The following USP8 variants were observed in gnomAD, a reference collection of about 807,000 sequenced individuals.
The protein encoded by USP8 is ubiquitin carboxyl-terminal hydrolase 8.
A neutral mutation model predicts 130.0 loss-of-function variants in USP8; 27 were observed. That is an observed-to-expected ratio of 0.21 (90% CI 0.15 to 0.29). USP8 has a LOEUF of 0.29. Among genes scored for constraint, USP8 ranks in the 10% least tolerant of loss-of-function variants. The probability of loss-of-function intolerance (pLI) is 1.00; values close to 1 mark genes in which losing one functional copy is unlikely to be tolerated. For missense variants in USP8, 1,029 were observed against 1,312.2 expected, an observed-to-expected ratio of 0.78 and a Z score of 3.33; for synonymous variants, 392 against 444.1, an observed-to-expected ratio of 0.88 and a Z score of 1.48.
chr15:50,433,754 C>T (rs1022468718), intron 1 of USP8, among the ~76,000 whole-genome samples: 6 of 152,020 alleles, frequency 3.9e-5, no homozygotes, highest in South Asian at 2.1e-4. Flanking sequence ...TACAGGTGCC[C>T]GCCACCGTGC....
At chr15:50,439,861 G>A (rs771210014) in intron 2 of USP8, among the ~76,000 whole-genome samples, 1 of 151,216 alleles carries the variant, frequency 6.6e-6, no homozygotes, top group Non-Finnish European at 1.5e-5. Context: ...GCCAAGGTGG[G>A]CGGATCACCT....
rs767894854 is a variant in USP8 at position 50,481,571 on chromosome 15, A to G, written c.1309A>G (p.Ser437Gly). 6.2e-7 allele frequency: 1 copy of G among 1,614,074 alleles called. No individual in the cohort carries two copies. Among genetic ancestry groups the G allele is most frequent in the Admixed American group, 1.7e-5 (1 of 60,004 alleles). Reference protein sequence around the residue: ...STNHEQQSPQSGKVIPDRSTK... With the variant: ...STNHEQQSPQGGKVIPDRSTK... ...AAACCATGAGCAACAATCTCCTCAGAGTGGAAAAGTTATTCCTGATCGTTC... is the reference window on the plus strand; with the variant it reads ...AAACCATGAGCAACAATCTCCTCAGGGTGGAAAAGTTATTCCTGATCGTTC... Residue 437 changes from serine (S) to glycine (G), a missense_variant, in exon 11 of 20, where the codon AGT becomes GGT. By Grantham distance (56) the Ser-to-Gly change is moderately conservative. Coordinates refer to ENST00000307179, the MANE Select transcript of USP8 (RefSeq NM_005154.5).
chr15:50,499,351 A>G lies in USP8; in HGVS notation c.*263A>G. 1 of 299,078 alleles carries G rather than the reference A, an allele frequency of 3.3e-6. No individual in the cohort carries two copies. Among genetic ancestry groups the G allele is most frequent in the Non-Finnish European group, 6.1e-6 (1 of 163,392 alleles). The allele number at this position is 299,078 out of a possible 1,614,324, so 18.5% of individuals were successfully genotyped here. A position where few individuals can be genotyped will look rare whatever the true frequency, so the allele number is the denominator to read the frequency against. On this transcript the variant is annotated 3_prime_UTR_variant, in exon 20 of 20. Coordinates refer to ENST00000307179, the MANE Select transcript of USP8 (RefSeq NM_005154.5). ...CAAAGTTAAAATAATTAACTAGCTA[A>G]GCATTATTATTCGACTGGTCTAAAA...
intron 1 of USP8, among the ~76,000 whole-genome samples, chr15:50,425,823 G>T (rs1200475707): frequency 6.6e-6 from 1 of 152,038 alleles, no homozygotes; most frequent in Non-Finnish European, 1.5e-5. Context: ...ATGGGCATTT[G>T]TTTATTAATG....
chr15:50,510,152 T>C lies in USP8; in HGVS notation c.*11064T>C, dbSNP rs2052718479. The C allele has an allele frequency of 6.6e-6, 1 of 151,574 alleles. No individual in the cohort carries two copies. The allele number at this position is 151,574 out of a possible 1,614,324, so 9.4% of individuals were successfully genotyped here. A position where few individuals can be genotyped will look rare whatever the true frequency, so the allele number is the denominator to read the frequency against. ...CACACACAGCATAGGAAAACCAGCATTATATGTTACTGAGGAAAAGAAGAG... is the reference window on the plus strand; with the variant it reads ...CACACACAGCATAGGAAAACCAGCACTATATGTTACTGAGGAAAAGAAGAG... On this transcript the variant is annotated 3_prime_UTR_variant, in exon 20 of 20. Transcript: ENST00000307179.
In USP8 at chr15:50,494,246, T is replaced by G; in HGVS notation, c.2624T>G (p.Phe875Cys). 2 of 1,609,148 alleles carry G rather than the reference T, an allele frequency of 1.2e-6. No homozygotes were observed. The highest frequency in any genetic ancestry group is 1.1e-5 in the South Asian group (1 of 89,608). ...SQQDSQELLL[F>C]LMDGLHEDLN... ...CAAGATTCACAAGAATTGCTTCTGTTCCTAATGGATGGTCTCCATGAAGAT... is the reference window on the plus strand; with the variant it reads ...CAAGATTCACAAGAATTGCTTCTGTGCCTAATGGATGGTCTCCATGAAGAT... Residue 875 changes from phenylalanine to cysteine, a missense_variant, in exon 16 of 20, where the codon TTC becomes TGC. Phe to Cys is a radical substitution (Grantham distance 205, BLOSUM62 -2). This residue lies in a region of USP8 where 257 missense variants were observed against 429.8 expected (regional missense o/e 0.60). Coordinates refer to ENST00000307179, the MANE Select transcript of USP8 (RefSeq NM_005154.5).
intron 1 of USP8, among the ~76,000 whole-genome samples, chr15:50,436,629 C>T (rs148157515): frequency 6.6e-6 from 1 of 152,048 alleles, no homozygotes. Context: ...TCCTGAGTAG[C>T]TGGGATTACA....
chr15:50,458,887 C>G, intron 4 of USP8, 113 bp from the exon 5 acceptor site: 1 of 1,250,148 alleles, frequency 8.0e-7, no homozygotes, highest in Admixed American at 2.1e-5. Context: ...AGGGAGAAAG[C>G]ATATAGCCAT....
At position 50,501,675 on chromosome 15, in the gene USP8, G is replaced by A. The variant is rs1238934785; in HGVS notation, c.*2587G>A. 6.6e-6 allele frequency: 1 copy of A among 152,028 alleles called. No homozygotes were observed. Among genetic ancestry groups the A allele is most frequent in the Non-Finnish European group, 1.5e-5 (1 of 68,010 alleles). The allele number at this position is 152,028 out of a possible 1,614,324, so 9.4% of individuals were successfully genotyped here. On this transcript the variant is annotated 3_prime_UTR_variant, in exon 20 of 20. Coordinates refer to ENST00000307179, the MANE Select transcript of USP8 (RefSeq NM_005154.5). The stretch of plus-strand genomic sequence containing the variant: ...ATGTATCTCATTTTCCTTTTTCCAT[G>A]TCTTTCCTAACCCAGTATTGTTTGG...
At position 50,500,662 on chromosome 15, in the gene USP8, T is replaced by G; in HGVS notation, c.*1574T>G. On this transcript the variant is annotated 3_prime_UTR_variant, in exon 20 of 20. Coordinates refer to ENST00000307179, the MANE Select transcript of USP8 (RefSeq NM_005154.5). ...ACACCATTTTCCTGGCTCTTAACGC[T>G]TTTGTATTGGTATGGAAAAGGGCTG... 9.0e-7 allele frequency: 1 copy of G among 1,110,380 alleles called. No homozygotes were observed. Among genetic ancestry groups the G allele is most frequent in the South Asian group, 1.4e-5 (1 of 73,496 alleles). The allele number at this position is 1,110,380 out of a possible 1,614,324, so 68.8% of individuals were successfully genotyped here.
intron 16 of USP8, among the ~76,000 whole-genome samples, chr15:50,495,319 CATATATACACAT>C (rs892180024): frequency 4.4e-5 from 1 of 22,676 alleles, no homozygotes; most frequent in African/African-American, 2.6e-4. Flanking sequence ...TATATACATA[CATATATACACAT>C]ATATATACAC....
chr15:50,511,559 T>A lies in USP8; in HGVS notation c.*12471T>A, dbSNP rs2052738947. On this transcript the variant is annotated 3_prime_UTR_variant, in exon 20 of 20. Coordinates refer to ENST00000307179, the MANE Select transcript of USP8 (RefSeq NM_005154.5). ...GGATGGATTAAGGAAATGTGGTATA[T>A]CCTATACAATGGAATATTATTTGGC... is the stretch of plus-strand genomic sequence containing the variant. 1 of 152,204 alleles carries A rather than the reference T, an allele frequency of 6.6e-6. No individual in the cohort carries two copies. The highest frequency in any genetic ancestry group is 2.4e-5 in the African/African-American group (1 of 41,448). The allele number at this position is 152,204 out of a possible 1,614,324, so 9.4% of individuals were successfully genotyped here.
intron 7 of USP8, 86 bp downstream of exon 7, chr15:50,465,277 C>T: frequency 2.5e-6 from 3 of 1,190,818 alleles, no homozygotes; most frequent in Non-Finnish European, 3.3e-6. Context: ...AGCATCCAAG[C>T]TAAATGTGAT....
At chr15:50,497,444 A>C in intron 18 of USP8, 1 of 403,474 alleles carries the variant, frequency 2.5e-6, no homozygotes, top group Non-Finnish European at 4.3e-6. Context: ...CCACTATTTC[A>C]TGTAATTCCT....
At chr15:50,475,820 C>G (rs2051549438) in intron 8 of USP8, among the ~76,000 whole-genome samples, 1 of 151,990 alleles carries the variant, frequency 6.6e-6, no homozygotes, top group Admixed American at 6.6e-5. Context: ...TCAGGCTGGT[C>G]TCGAACTCCT....
At chr15:50,470,807 A>G (rs1045729342) in intron 7 of USP8, among the ~76,000 whole-genome samples, 37 of 152,100 alleles carry the variant, frequency 2.4e-4, no homozygotes, top group African/African-American at 8.4e-4. Flanking sequence ...CATGTTGGCC[A>G]GGCTGGTCTT....
At chr15:50,493,156 C>T (rs1340218052) in intron 15 of USP8, 1 of 584,822 alleles carries the variant, frequency 1.7e-6, no homozygotes, top group South Asian at 1.5e-5. Flanking sequence ...AGAGGACAGA[C>T]TCGTCCTGTC....
chr15:50,482,749 C>T (rs1313012067), intron 11 of USP8, among the ~76,000 whole-genome samples: 12 of 151,976 alleles, frequency 7.9e-5, no homozygotes, highest in Admixed American at 7.9e-4. Flanking sequence ...TTTATAATAC[C>T]AAGAACAGTT....
rs142653887 is a variant in USP8, at chr15:50,481,726, G to C, written c.1464G>C (p.Glu488Asp). Residue 488 changes from glutamate to aspartate, a missense_variant, in exon 11 of 20, where the codon GAG (glutamate) becomes GAC (aspartate). By Grantham distance (45) the Glu-to-Asp change is conservative. Coordinates refer to ENST00000307179, the MANE Select transcript of USP8 (RefSeq NM_005154.5). Reference protein sequence around the residue: ...QEKELRERQQEEQKEKLRKEE... With the variant: ...QEKELRERQQDEQKEKLRKEE... The stretch of plus-strand genomic sequence containing the variant: ...AAGAACTTCGGGAAAGGCAGCAAGA[G>C]GAACAGAAAGAGAAACTGAGGAAGG... The C allele has an allele frequency of 6.2e-7, 1 of 1,609,312 alleles. No homozygotes were observed. Among genetic ancestry groups the C allele is most frequent in the South Asian group, 1.1e-5 (1 of 89,770 alleles).
Sources: gnomAD v4.1 joint callset for allele counts (sites outside exome capture counted in the v4.1 genomes callset) on GRCh38, gnomAD v4.1.1 for gene constraint, gnomAD v4.1.1 regional missense constraint, MANE v1.5 for transcripts, NCBI Gene and HGNC (gene_info 2026-07-23, HGNC 2026-07-21) for gene names.